Variants in AVEN observed in about 807,000 individuals in gnomAD.
AVEN encodes apoptosis and caspase activation inhibitor, also known as cell death regulator Aven.
A neutral mutation model predicts 38.1 loss-of-function variants in AVEN; 41 were observed. That is an observed-to-expected ratio of 1.08 (90% CI 0.84 to 1.40). The LOEUF is 1.40. Ranked by LOEUF, AVEN falls within the 40% of genes most tolerant of loss-of-function variation. The pLI is 0.00. For missense variants in AVEN, 605 were observed against 438.8 expected (o/e 1.38, Z -3.38); for synonymous variants, 206 against 171.8 (o/e 1.20, Z -1.56).
chr15:33,853,191 A>T, the AVEN span: 1 of 1,058,502 alleles, frequency 9.4e-7, no homozygotes, highest in Non-Finnish European at 1.3e-6. Context: ...TGCTACTTTT[A>T]TGATAATATC....
At chr15:34,018,499 A>C (rs200015618) in intron 1 of AVEN, 1 of 151,858 alleles carries the variant, frequency 6.6e-6, no homozygotes, top group African/African-American at 2.4e-5. Context: ...TAGTGCGTCC[A>C]GAGTTGTTTG....
intron 1 of AVEN, among the ~76,000 whole-genome samples, chr15:34,032,521 G>C (rs941112102): frequency 2.0e-5 from 3 of 152,118 alleles, no homozygotes; most frequent in Non-Finnish European, 4.4e-5. Context: ...TGGATAGCCA[G>C]AAAACAAAAA....
intron 2 of AVEN, among the ~76,000 whole-genome samples, chr15:33,954,602 T>C (rs1018361780): frequency 2.3e-5 from 3 of 132,468 alleles, no homozygotes; most frequent in African/African-American, 8.7e-5. Flanking sequence ...AATTGAACAA[T>C]GAGAACACTT....
chr15:33,868,544 CAAA>C (rs35851228), intron 4 of AVEN, among the ~76,000 whole-genome samples: 44 of 66,224 alleles, frequency 6.6e-4, no homozygotes, highest in Admixed American at 1.1e-3. Flanking sequence ...GACTCCGTCT[CAAA>C]AAAAAAAAAA....
intron 1 of AVEN, among the ~76,000 whole-genome samples, chr15:34,020,900 T>C (rs555072775): frequency 6.6e-6 from 1 of 152,364 alleles, no homozygotes; most frequent in African/African-American, 2.4e-5. Flanking sequence ...ACCAAAATTC[T>C]CTTCCTTTTA....
chr15:33,973,657 C>T (rs1054202701), intron 2 of AVEN, among the ~76,000 whole-genome samples: 1 of 152,148 alleles, frequency 6.6e-6, no homozygotes, highest in Non-Finnish European at 1.5e-5. Flanking sequence ...ACCTAGGCAA[C>T]ACAGCAAGAC....
intron 2 of AVEN, among the ~76,000 whole-genome samples, chr15:33,898,620 C>T (rs35099988): frequency 0.53 from 81,088 of 151,820 alleles, 24,070 homozygotes; most frequent in Non-Finnish European, 0.66. Context: ...AGTCATTGAA[C>T]TGGGACACAC....
chr15:33,955,364 G>C (rs373466126), intron 2 of AVEN, among the ~76,000 whole-genome samples: 1 of 152,126 alleles, frequency 6.6e-6, no homozygotes, highest in African/African-American at 2.4e-5. Context: ...TTCTTCTTTA[G>C]GAATGTAAGC....
At chr15:34,073,519 C>CTTTTTTTTTTTT (rs10617421) in intron 1 of AVEN, among the ~76,000 whole-genome samples, 1 of 88,514 alleles carries the variant, frequency 1.1e-5, no homozygotes. Context: ...TTTCTTTTTT[C>CTTTTTTTTTTTT]TTTTTTTTTT....
chr15:33,865,235 C>CAATCAAAG (rs1567374835), downstream of AVEN: 6 of 1,600,554 alleles, frequency 3.7e-6, no homozygotes, highest in South Asian at 6.6e-5. Flanking sequence ...AAATCTGAAT[C>CAATCAAAG]AAAGAAGCGC....
Position 33,899,460 on chromosome 15 carries a change from C to CTTTTTTTTT in AVEN, c.446-23474_446-23466dup, listed in dbSNP as rs533788693. Reference sequence around the variant, plus strand: ...TACATTTATTTGCTTCAGGGAAAACCTTTTTTTTTTTTTTTTTTTTTTTTT... The same window carrying CTTTTTTTTT: ...TACATTTATTTGCTTCAGGGAAAACCTTTTTTTTTTTTTTTTTTTTTTTTTTTTTTTTTT... On this transcript the variant is annotated intron_variant, in intron 2 of 5. Transcript: ENST00000306730. 9.0e-4 allele frequency among the ~76,000 whole-genome samples: 59 copies of CTTTTTTTTT among 65,432 alleles called. 2 individuals are homozygous for CTTTTTTTTT. Among genetic ancestry groups the CTTTTTTTTT allele is most frequent in the East Asian group, 4.4e-3 (9 of 2,028 alleles). 42.9% of individuals were successfully genotyped at this position (65,432 alleles called of 152,430 possible).
At chr15:34,030,046 G>C (rs1898697277) in intron 1 of AVEN, among the ~76,000 whole-genome samples, 1 of 152,094 alleles carries the variant, frequency 6.6e-6, no homozygotes, top group African/African-American at 2.4e-5. Context: ...TTGAGGTCAG[G>C]AGTTCGAGCC....
At chr15:33,853,031 G>A in the AVEN span, 34 of 1,600,562 alleles carry the variant, frequency 2.1e-5, no homozygotes, top group Admixed American at 1.0e-4. Flanking sequence ...AACCTTTTTC[G>A]TTTTGTTTTT....
intron 2 of AVEN, among the ~76,000 whole-genome samples, chr15:33,984,818 A>G (rs1205222092): frequency 6.6e-6 from 1 of 152,174 alleles, no homozygotes; most frequent in Non-Finnish European, 1.5e-5. Context: ...CCTTTGATGC[A>G]GTAAATCACA....
At chr15:33,907,804 A>AT (rs1049414362) in intron 2 of AVEN, among the ~76,000 whole-genome samples, 11 of 151,816 alleles carry the variant, frequency 7.2e-5, no homozygotes, top group African/African-American at 2.2e-4. Flanking sequence ...AAAAAAAAAA[A>AT]CTATATGGAG....
At chr15:33,961,598 G>C (rs1033359281) in intron 2 of AVEN, among the ~76,000 whole-genome samples, 4 of 151,788 alleles carry the variant, frequency 2.6e-5, no homozygotes, top group African/African-American at 9.7e-5. Context: ...CGAATCACGA[G>C]GTCAGGAGAT....
chr15:33,936,552 G>T (rs1466093662), intron 2 of AVEN, among the ~76,000 whole-genome samples: 2 of 152,148 alleles, frequency 1.3e-5, no homozygotes, highest in African/African-American at 4.8e-5. Flanking sequence ...TTGTAAAGAA[G>T]TCAGTTCTCC....
chr15:34,022,603 T>A (rs1898251203), intron 1 of AVEN, among the ~76,000 whole-genome samples: 1 of 152,228 alleles, frequency 6.6e-6, no homozygotes, highest in Non-Finnish European at 1.5e-5. Context: ...AGCCTGAACA[T>A]CTGCATGCTG....
rs763136070 is a variant in AVEN, at chr15:33,948,095, TC to T, written c.445+54936del. Among the ~76,000 whole-genome samples the T allele has an allele frequency of 2.4e-3, 345 of 141,974 alleles. 5 individuals are homozygous for T. Among genetic ancestry groups the T allele is most frequent in the Middle Eastern group, 7.5e-3 (2 of 266 alleles). 93.1% of individuals were successfully genotyped at this position (141,974 alleles called of 152,430 possible). A position where few individuals can be genotyped will look rare whatever the true frequency, so the allele number is the denominator to read the frequency against. On this transcript the variant is annotated intron_variant, in intron 2 of 5. Coordinates refer to ENST00000306730, the MANE Select transcript of AVEN (RefSeq NM_020371.3). Reference sequence around the variant, plus strand: ...GAGAGTATCAAACAATGTCTATTTTTCTTTTCTTTTTTTTTTTTTTGAGATG... The same window carrying T: ...GAGAGTATCAAACAATGTCTATTTTTTTTTCTTTTTTTTTTTTTTGAGATG...
Sources: gnomAD v4.1 joint callset for allele counts (sites outside exome capture counted in the v4.1 genomes callset) on GRCh38, gnomAD v4.1.1 for gene constraint, MANE v1.5 for transcripts, NCBI Gene and HGNC (gene_info 2026-07-23, HGNC 2026-07-21) for gene names.